The following ATRNL1 variants were observed in gnomAD, a reference collection of about 807,000 sequenced individuals.
ATRNL1 encodes attractin like 1.
Under a neutral mutation model 182.7 loss-of-function variants are expected in ATRNL1, and 95 were observed. The ratio of observed to expected loss-of-function variants is 0.52; its 90% CI spans 0.44 to 0.62. The LOEUF (loss-of-function observed/expected upper bound fraction) is 0.62, where lower values mean the gene tolerates loss of function less well. Ranked by LOEUF, ATRNL1 falls within the 20% of genes least tolerant of loss-of-function variation. The pLI is 0.00. For synonymous variants in ATRNL1, 576 were observed against 568.3 expected (o/e 1.01, Z -0.19); for missense variants, 1,471 against 1,679.5 (o/e 0.88, Z 2.17).
intron 28 of ATRNL1, among the ~76,000 whole-genome samples, chr10:115,906,758 C>T (rs1555114645): frequency 6.6e-6 from 1 of 152,056 alleles, no homozygotes; most frequent in Non-Finnish European, 1.5e-5. Context: ...GGATTATATC[C>T]TAGACTTCAT....
chr10:115,879,261 C>T (rs77029646), intron 28 of ATRNL1, among the ~76,000 whole-genome samples: 5 of 141,882 alleles, frequency 3.5e-5, no homozygotes, highest in African/African-American at 1.3e-4. Context: ...GAACCATGAT[C>T]GTGCCACTGC....
intron 26 of ATRNL1, among the ~76,000 whole-genome samples, chr10:115,714,513 G>GC: frequency 6.6e-6 from 1 of 152,260 alleles, no homozygotes. Flanking sequence ...CAAAGGTTCT[G>GC]CCAGGCGGCC....
intron 28 of ATRNL1, among the ~76,000 whole-genome samples, chr10:115,933,404 C>T (rs1160382956): frequency 1.3e-5 from 2 of 152,218 alleles, no homozygotes; most frequent in East Asian, 3.9e-4. Context: ...ACTAACAAGA[C>T]CAAATGCACA....
intron 26 of ATRNL1, among the ~76,000 whole-genome samples, chr10:115,726,100 G>A (rs11197421): frequency 0.37 from 55,742 of 151,746 alleles, 10,988 homozygotes; most frequent in Admixed American, 0.53. Flanking sequence ...AACTGTCATG[G>A]CAGTTTATTA....
At chr10:115,914,073 G>A (rs1555116620) in intron 28 of ATRNL1, among the ~76,000 whole-genome samples, 1 of 152,104 alleles carries the variant, frequency 6.6e-6, no homozygotes, top group Non-Finnish European at 1.5e-5. Flanking sequence ...TAGTAAGTGA[G>A]TTCTCAGGAG....
At chr10:115,843,899 G>A (rs1950868472) in intron 27 of ATRNL1, among the ~76,000 whole-genome samples, 1 of 152,024 alleles carries the variant, frequency 6.6e-6, no homozygotes, top group Non-Finnish European at 1.5e-5. Context: ...GACTGCATTG[G>A]TCCAAATTCC....
chr10:115,122,587 TC>T (rs1210217126), intron 3 of ATRNL1, among the ~76,000 whole-genome samples: 3 of 152,056 alleles, frequency 2.0e-5, no homozygotes, highest in African/African-American at 7.2e-5. Flanking sequence ...AGCTTATTGG[TC>T]CCTTCAAAAT....
intron 26 of ATRNL1, among the ~76,000 whole-genome samples, chr10:115,623,753 T>C (rs1592965035): frequency 6.6e-6 from 1 of 152,092 alleles, no homozygotes; most frequent in Non-Finnish European, 1.5e-5. Flanking sequence ...AAAGAGAAGG[T>C]ATACATAATC....
chr10:115,610,972 T>A, intron 26 of ATRNL1, among the ~76,000 whole-genome samples: 1 of 151,928 alleles, frequency 6.6e-6, no homozygotes, highest in Admixed American at 6.6e-5. Flanking sequence ...TCTAAAATTT[T>A]AAACATGTAC....
intron 15 of ATRNL1, among the ~76,000 whole-genome samples, chr10:115,287,444 A>G (rs1163351962): frequency 6.6e-6 from 1 of 152,078 alleles, no homozygotes; most frequent in East Asian, 1.9e-4. Context: ...CATTATTTAG[A>G]CAATGAATTT....
chr10:115,663,756 A>G (rs925197066), intron 26 of ATRNL1, among the ~76,000 whole-genome samples: 2 of 152,126 alleles, frequency 1.3e-5, no homozygotes, highest in Non-Finnish European at 2.9e-5. Flanking sequence ...TGGCTTGTGT[A>G]CACACAAACT....
intron 26 of ATRNL1, among the ~76,000 whole-genome samples, chr10:115,592,508 A>G (rs1366456845): frequency 6.6e-6 from 1 of 152,190 alleles, no homozygotes; most frequent in Non-Finnish European, 1.5e-5. Context: ...CATAACCATT[A>G]GCAGACCCAC....
At chr10:115,358,403 G>C (rs1287006858) in intron 19 of ATRNL1, among the ~76,000 whole-genome samples, 1 of 151,176 alleles carries the variant, frequency 6.6e-6, no homozygotes, top group African/African-American at 2.4e-5. Context: ...CTTGCTTTAC[G>C]TCTTACCATA....
At chr10:115,223,871 T>A (rs1184317091) in intron 9 of ATRNL1, among the ~76,000 whole-genome samples, 1 of 144,334 alleles carries the variant, frequency 6.9e-6, no homozygotes, top group Non-Finnish European at 1.5e-5. Context: ...ATATATAACA[T>A]ATGTGTATTT....
chr10:115,814,959 T>G (rs1161767780), intron 27 of ATRNL1, among the ~76,000 whole-genome samples: 1 of 152,176 alleles, frequency 6.6e-6, no homozygotes. Flanking sequence ...ATGAACATTT[T>G]CAGATGGCAA....
intron 5 of ATRNL1, among the ~76,000 whole-genome samples, chr10:115,148,789 G>A (rs12360503): frequency 0.23 from 31,663 of 138,176 alleles, 4,437 homozygotes; most frequent in Non-Finnish European, 0.32. Flanking sequence ...TGACTCTGTC[G>A]CCCAGGCTGG....
chr10:115,762,797 T>C (rs1948764834), intron 27 of ATRNL1, among the ~76,000 whole-genome samples: 1 of 152,118 alleles, frequency 6.6e-6, no homozygotes. Flanking sequence ...TAATTATTCT[T>C]TAATAACTTT....
intron 26 of ATRNL1, among the ~76,000 whole-genome samples, chr10:115,706,687 T>C (rs1555053155): frequency 6.6e-6 from 1 of 151,930 alleles, no homozygotes; most frequent in African/African-American, 2.4e-5. Context: ...TGGCAAACTT[T>C]GTCATTATAT....
intron 19 of ATRNL1, among the ~76,000 whole-genome samples, chr10:115,343,055 C>A (rs557100279): frequency 6.6e-6 from 1 of 152,052 alleles, no homozygotes; most frequent in South Asian, 2.1e-4. Flanking sequence ...TTTCTTTATT[C>A]TTGATCTTTG....
Sources: gnomAD v4.1 joint callset for allele counts (sites outside exome capture counted in the v4.1 genomes callset) on GRCh38, gnomAD v4.1.1 for gene constraint, MANE v1.5 for transcripts, NCBI Gene and HGNC (gene_info 2026-07-23, HGNC 2026-07-21) for gene names.